Variants in MYG1 observed in about 807,000 individuals in gnomAD.
The protein encoded by MYG1 is UPF0160 protein MYG1, mitochondrial.
A neutral mutation model predicts 43.5 loss-of-function variants in MYG1; 36 were observed. That is an observed-to-expected ratio of 0.83 (90% CI 0.63 to 1.09). MYG1 has a LOEUF of 1.09. Ranked by LOEUF, MYG1 falls within the 50% of genes least tolerant of loss-of-function variation. The pLI, the probability that MYG1 is intolerant of heterozygous loss-of-function variation, is 0.00. For missense variants in MYG1, 529 were observed against 495.1 expected, an observed-to-expected ratio of 1.07 and a Z score of -0.65; for synonymous variants, 220 against 202.8, an observed-to-expected ratio of 1.08 and a Z score of -0.72.
intron 2 of MYG1, among the ~76,000 whole-genome samples, chr12:53,301,216 A>G (rs936255759): frequency 1.3e-5 from 2 of 151,744 alleles, no homozygotes; most frequent in African/African-American, 2.4e-5. Flanking sequence ...CTGTTGGCCT[A>G]TCCTCTGGGA....
At chr12:53,302,557 T>C (rs1194461458) in intron 2 of MYG1, among the ~76,000 whole-genome samples, 3 of 152,176 alleles carry the variant, frequency 2.0e-5, no homozygotes, top group Non-Finnish European at 2.9e-5. Flanking sequence ...TGACTTCGAT[T>C]ACCCACAGAT....
At chr12:53,304,716 A>C (rs1321171922) in intron 3 of MYG1, among the ~76,000 whole-genome samples, 1 of 151,818 alleles carries the variant, frequency 6.6e-6, no homozygotes, top group African/African-American at 2.4e-5. Context: ...CAGCCCCCCA[A>C]GTAGCTGAGA....
intron 2 of MYG1, among the ~76,000 whole-genome samples, chr12:53,302,581 C>G (rs1205884140): frequency 6.6e-6 from 1 of 152,220 alleles, no homozygotes; most frequent in Non-Finnish European, 1.5e-5. Flanking sequence ...GTCCGATGGT[C>G]TGGCCCTGCC....
intron 2 of MYG1, among the ~76,000 whole-genome samples, chr12:53,300,765 C>A (rs940082105): frequency 6.6e-6 from 1 of 152,140 alleles, no homozygotes; most frequent in East Asian, 1.9e-4. Flanking sequence ...GTCCCTGCCT[C>A]TTTTCAAAAG....
At chr12:53,306,574 G>T (rs1293733077) in intron 5 of MYG1, 106 bp from the exon 6 acceptor site, 9 of 1,275,852 alleles carry the variant, frequency 7.1e-6, no homozygotes, top group South Asian at 1.4e-5. Flanking sequence ...AAATTCCTGG[G>T]CTCAACTGAT....
In MYG1 at chr12:53,306,763, G is replaced by A; in HGVS notation, c.849G>A (p.Leu283=). 6.2e-7 allele frequency: 1 copy of A among 1,614,228 alleles called. No homozygotes were observed. The highest frequency in any genetic ancestry group is 8.5e-7 in the Non-Finnish European group (1 of 1,180,034). ...KEHLYHLESG[L]SPPVAIFFVI... ...ATCTCTACCACCTGGAATCTGGGCTGTCCCCTCCAGTGGCCATCTTCTTTG... is the reference window on the plus strand; with the variant it reads ...ATCTCTACCACCTGGAATCTGGGCTATCCCCTCCAGTGGCCATCTTCTTTG... The change falls in exon 6 of 7, where the codon CTG becomes CTA. Residue 283 remains leucine (L), a synonymous_variant. Transcript: ENST00000267103.
chr12:53,302,845 A>G (rs1944241429), intron 2 of MYG1, among the ~76,000 whole-genome samples, 189 bp from the exon 3 acceptor site: 1 of 151,996 alleles, frequency 6.6e-6, no homozygotes, highest in Non-Finnish European at 1.5e-5. Context: ...GAGAGTACTC[A>G]GGGGGTTGTG....
chr12:53,302,891 GAC>G, intron 2 of MYG1, 141 bp from the exon 3 acceptor site: 1 of 973,026 alleles, frequency 1.0e-6, no homozygotes, highest in South Asian at 1.7e-5. Context: ...TGAAAGCAAG[GAC>G]AGTGTCTTGG....
At chr12:53,303,864 GAT>G (rs1944248826) in intron 3 of MYG1, 1 of 152,258 alleles carries the variant, frequency 6.6e-6, no homozygotes, top group Non-Finnish European at 1.5e-5. Context: ...TTTGTTTTGA[GAT>G]GGAGTCTTGC....
At chr12:53,304,867 T>TG (rs1944259719) in intron 3 of MYG1, among the ~76,000 whole-genome samples, 1 of 1,814 alleles carries the variant, frequency 5.5e-4, no homozygotes, top group African/African-American at 6.0e-4. Flanking sequence ...CCATGTTTTT[T>TG]TTTTTTTTTT....
chr12:53,300,632 A>T (rs1944222219), intron 2 of MYG1, among the ~76,000 whole-genome samples: 1 of 152,242 alleles, frequency 6.6e-6, no homozygotes, highest in Non-Finnish European at 1.5e-5. Flanking sequence ...AGTTGGTGAC[A>T]GTTCAGATGT....
intron 1 of MYG1, 54 bp downstream of exon 1, chr12:53,300,007 G>A: frequency 6.3e-7 from 1 of 1,598,674 alleles, no homozygotes. Context: ...CCTCCGGGGT[G>A]GATGGCATTC....
chr12:53,307,026 G>A lies in MYG1; in HGVS notation c.1008G>A (p.Gly336=). ...ACGAGGCCCTGGACCAGGTCAGTGGGATCCCTGGCTGCATCTTCGTCCATG... is the reference window on the plus strand; with the variant it reads ...ACGAGGCCCTGGACCAGGTCAGTGGAATCCCTGGCTGCATCTTCGTCCATG... The part of the protein sequence containing the change: ...LRDEALDQVS[G]IPGCIFVHAS... The change falls in exon 7 of 7, where the codon GGG becomes GGA. Residue 336 remains glycine (G), a synonymous_variant. Coordinates refer to ENST00000267103, the MANE Select transcript of MYG1 (RefSeq NM_021640.4). 1 of 1,614,240 alleles carries A rather than the reference G, an allele frequency of 6.2e-7. No homozygotes were observed. The highest frequency in any genetic ancestry group is 1.1e-5 in the South Asian group (1 of 91,090).
intron 2 of MYG1, among the ~76,000 whole-genome samples, chr12:53,301,979 A>G (rs771683761): frequency 2.0e-5 from 3 of 146,414 alleles, no homozygotes; most frequent in Non-Finnish European, 4.5e-5. Context: ...GCCCAGCCTC[A>G]TTTTTTTTAT....
At chr12:53,304,037 G>A (rs1028891840) in intron 3 of MYG1, among the ~76,000 whole-genome samples, 3 of 152,016 alleles carry the variant, frequency 2.0e-5, no homozygotes, top group Non-Finnish European at 2.9e-5. Context: ...TAGAGGTGGG[G>A]TTTCACCGTG....
At chr12:53,303,328 C>G in intron 3 of MYG1, 135 bp downstream of exon 3, 1 of 938,072 alleles carries the variant, frequency 1.1e-6, no homozygotes, top group Non-Finnish European at 1.5e-6. Flanking sequence ...CTCATCCTCT[C>G]CCTCAGTCAG....
rs200943581 is a variant in MYG1 at position 53,299,943 on chromosome 12, C to T, written c.206C>T (p.Pro69Leu). ...ALACALLRLL[P>L]EYRDAEIVRT... ...GCATGCGCACTGCTTCGCCTCCTGC[C>T]GGAGTACCGGGTACGGTCCGCGAAA... Residue 69 changes from proline (P) to leucine (L), a missense_variant, in exon 1 of 7, where the codon CCG (proline) becomes CTG (leucine). Physicochemically the swap from Pro to Leu is moderately conservative, Grantham distance 98 (BLOSUM62 -3). Coordinates refer to ENST00000267103, the MANE Select transcript of MYG1 (RefSeq NM_021640.4). 711 of 1,614,182 alleles carry T rather than the reference C, an allele frequency of 4.4e-4. 4 individuals are homozygous for T. In the South Asian group the frequency reaches 7.3e-3, roughly 17 times the overall value.
intron 5 of MYG1, 39 bp from the exon 6 acceptor site, chr12:53,306,641 C>G: frequency 6.3e-7 from 1 of 1,580,752 alleles, no homozygotes; most frequent in Non-Finnish European, 8.6e-7. Context: ...CCATGCCCAG[C>G]CTACCTTAAA....
In MYG1 at chr12:53,306,320, G is replaced by GT; in HGVS notation, c.765_765+1insT (p.Val256CysfsTer41). 1 of 1,614,116 alleles carries GT rather than the reference G, an allele frequency of 6.2e-7. No individual in the cohort carries two copies. The highest frequency in any genetic ancestry group is 1.1e-5 in the South Asian group (1 of 91,078). Reference sequence around the variant, plus strand: ...AAGAGGCCCTTGCCCAGCGATTCCAGGTATAGGCCTTGGAGGAGGCATTAT... The same window carrying GT: ...AAGAGGCCCTTGCCCAGCGATTCCAGTGTATAGGCCTTGGAGGAGGCATTAT... On this transcript the variant is annotated frameshift_variant and splice_region_variant. Transcript: ENST00000267103. LOFTEE classifies it high-confidence loss of function.
Sources: allele counts gnomAD v4.1 joint callset (sites outside exome capture counted in the v4.1 genomes callset), GRCh38; gene constraint gnomAD v4.1.1; transcripts MANE v1.5; gene names NCBI Gene and HGNC (gene_info 2026-07-23, HGNC 2026-07-21).